OTOF: variants seen among roughly 807,000 people sequenced by gnomAD.
OTOF encodes the protein fer-1-like family member 2.
A neutral mutation model predicts 236.8 loss-of-function variants in OTOF; 218 were observed. The observed-to-expected ratio is 0.92, with a 90% CI of 0.82 to 1.03. OTOF has a LOEUF of 1.03. Among genes scored for constraint, OTOF ranks in the 50% least tolerant of loss-of-function variants. OTOF has a pLI of 0.00. For synonymous variants in OTOF, 1,041 were observed against 1,072.5 expected, an observed-to-expected ratio of 0.97 and a Z score of 0.57; for missense variants, 2,590 against 2,694.4, an observed-to-expected ratio of 0.96 and a Z score of 0.86.
Position 26,509,730 on chromosome 2 carries a change from G to A in OTOF, c.510-5885C>T, listed in dbSNP as rs187532501. Reference sequence around the variant, plus strand: ...CTCTGGGGCTCAGGTTGCTTATCTGGAAGATAAAAAAGACCACACTCCTGG... The same window carrying A: ...CTCTGGGGCTCAGGTTGCTTATCTGAAAGATAAAAAAGACCACACTCCTGG... On this transcript the variant is annotated intron_variant, in intron 5 of 46. Transcript: ENST00000272371. Among the ~76,000 whole-genome samples the A allele has an allele frequency of 1.4e-4, 21 of 152,278 alleles. No individual in the cohort carries two copies. In the East Asian group the frequency reaches 3.7e-3, roughly 27 times the overall value.
intron 5 of OTOF, chr2:26,510,713 G>A (rs972727232): frequency 2.9e-5 from 37 of 1,289,236 alleles, no homozygotes; most frequent in Non-Finnish European, 3.4e-5. Flanking sequence ...ACTTGTGCTC[G>A]TCATCTCTGC....
At chr2:26,499,186 C>T (rs978447792) in intron 8 of OTOF, among the ~76,000 whole-genome samples, 1 of 152,138 alleles carries the variant, frequency 6.6e-6, no homozygotes, top group Non-Finnish European at 1.5e-5. Flanking sequence ...GGAAACTGCA[C>T]ATTCACAGGG....
At chr2:26,487,108 G>A (rs1301130872) in intron 11 of OTOF, among the ~76,000 whole-genome samples, 1 of 152,160 alleles carries the variant, frequency 6.6e-6, no homozygotes, top group Non-Finnish European at 1.5e-5. Context: ...ATGACAAAAT[G>A]TGGTCCTGCC....
chr2:26,540,239 G>T (rs921729159), intron 1 of OTOF, among the ~76,000 whole-genome samples: 1 of 152,278 alleles, frequency 6.6e-6, no homozygotes, highest in Admixed American at 6.5e-5. Flanking sequence ...GCCGAAAGAC[G>T]AATACCTTTA....
At chr2:26,552,117 C>G (rs1171375142) in intron 1 of OTOF, among the ~76,000 whole-genome samples, 1 of 149,236 alleles carries the variant, frequency 6.7e-6, no homozygotes, top group East Asian at 2.0e-4. Context: ...AGGCCAGGCA[C>G]AGTGGCTTAC....
In OTOF at chr2:26,473,070, C is replaced by T. The variant is rs993563963; in HGVS notation, c.3733+62G>A. ...GGTCGCGGCTTGGACTGGGCGGAGA[C>T]CTGGAGCCCTTCCCTGGGGGGCGTG... On this transcript the variant is annotated intron_variant, in intron 29 of 46. Coordinates refer to ENST00000272371, the MANE Select transcript of OTOF (RefSeq NM_194248.3). This position sits in a 1 kb window ranked among gnomAD's most constrained non-coding sequence, Gnocchi z 7.2. 4 of 1,539,178 alleles carry T rather than the reference C, an allele frequency of 2.6e-6. No individual in the cohort carries two copies. The African/African-American group carries it at 4.1e-5, about 16-fold the overall frequency.
chr2:26,484,675 C>T, intron 11 of OTOF, 42 bp from the exon 12 acceptor site: 1 of 1,607,606 alleles, frequency 6.2e-7, no homozygotes, highest in Non-Finnish European at 8.5e-7. Flanking sequence ...ACACCCCCAC[C>T]CAGAGCGTCT....
intron 29 of OTOF, 78 bp from the exon 30 acceptor site, chr2:26,472,727 C>T (rs979104929): frequency 1.2e-5 from 17 of 1,477,766 alleles, no homozygotes; most frequent in African/African-American, 6.9e-5. Context: ...CAGGAAGGTG[C>T]GGAGAACTAA....
At chr2:26,513,700 C>T (rs560380433) in intron 5 of OTOF, among the ~76,000 whole-genome samples, 4 of 152,316 alleles carry the variant, frequency 2.6e-5, no homozygotes, top group African/African-American at 7.2e-5. Context: ...GGGGATTGGC[C>T]TTCCCAGGAG....
chr2:26,541,065 C>T (rs149838916), intron 1 of OTOF, among the ~76,000 whole-genome samples: 2,325 of 152,292 alleles, frequency 0.015, 31 homozygotes, highest in Non-Finnish European at 0.026. Context: ...CTCTGAATAA[C>T]CAAAGGCCTT....
At chr2:26,478,009 T>C (rs926421570) in intron 18 of OTOF, 3 of 1,449,164 alleles carry the variant, frequency 2.1e-6, no homozygotes, top group Non-Finnish European at 2.7e-6. Flanking sequence ...TCTGTGGCTC[T>C]GGTGAGCTCA....
chr2:26,551,489 G>A (rs936229596), intron 1 of OTOF, among the ~76,000 whole-genome samples: 8 of 152,200 alleles, frequency 5.3e-5, no homozygotes, highest in African/African-American at 1.4e-4. Flanking sequence ...CTCACGCACT[G>A]GGGTGGCTTC....
intron 8 of OTOF, among the ~76,000 whole-genome samples, chr2:26,498,156 C>T (rs1445969681): frequency 1.3e-5 from 2 of 152,226 alleles, no homozygotes; most frequent in African/African-American, 4.8e-5. Flanking sequence ...CCCTGTCCCC[C>T]TTTTCAGGCC....
In OTOF at chr2:26,466,735, C is replaced by T; in HGVS notation, c.4479G>A (p.Leu1493=). ...TCACCCGGACCACATAGACTCGGAC[C>T]AGCACATTGATGGGGTCATTGCTCG... ...GIPSNDPINV[L]VRVYVVRATD... is the part of the protein sequence containing the mutation. The change falls in exon 36 of 47, where the codon CTG becomes CTA. Residue 1493 remains leucine (L), a synonymous_variant. Transcript: ENST00000272371. 1 of 1,614,200 alleles carries T rather than the reference C, an allele frequency of 6.2e-7. No individual in the cohort carries two copies. The highest frequency in any genetic ancestry group is 8.5e-7 in the Non-Finnish European group (1 of 1,180,042).
rs1026829833 is a variant in OTOF at position 26,462,902 on chromosome 2, G to A, written c.5192+581C>T. ...TGAATCCAGTCACTGTCTGACAGCT[G>A]GACTTGAACCTGCCGCTTTATGGAT... On this transcript the variant is annotated intron_variant, in intron 41 of 46. Coordinates refer to ENST00000272371, the MANE Select transcript of OTOF (RefSeq NM_194248.3). This position sits in a 1 kb window ranked among gnomAD's most constrained non-coding sequence, Gnocchi z 4.7. Among the ~76,000 whole-genome samples the A allele has an allele frequency of 6.6e-6, 1 of 152,204 alleles. No homozygotes were observed. The highest frequency in any genetic ancestry group is 1.5e-5 in the Non-Finnish European group (1 of 68,032).
chr2:26,536,201 G>A (rs940589578), intron 2 of OTOF, among the ~76,000 whole-genome samples: 3 of 152,198 alleles, frequency 2.0e-5, no homozygotes, highest in African/African-American at 7.2e-5. Context: ...TGTCTCAGTG[G>A]GCAGCCATGA....
intron 1 of OTOF, among the ~76,000 whole-genome samples, chr2:26,538,179 G>A (rs963224143): frequency 2.0e-5 from 3 of 152,230 alleles, no homozygotes; most frequent in African/African-American, 4.8e-5. Flanking sequence ...CAGAAGCCTA[G>A]TATAGGGGGC....
At position 26,494,957 on chromosome 2, in the gene OTOF, G is replaced by T. The variant is rs538368397; in HGVS notation, c.882C>A (p.Cys294Ter). 6.2e-6 allele frequency: 10 copies of T among 1,614,152 alleles called. No homozygotes were observed. Among genetic ancestry groups the T allele is most frequent in the Non-Finnish European group, 8.5e-6 (10 of 1,180,004 alleles). ...KYTSMKESTN[C>*]PYYNEYFVFD... ...GGCCACTGACCTCGTTGTAATAGGG[G>T]CAGTTAGTGGACTCCTTCATGGATG... Residue 294 changes from cysteine (C) to a stop codon, truncating the protein, a stop_gained, in exon 9 of 47, where the codon TGC (cysteine) becomes TGA (stop). Coordinates refer to ENST00000272371, the MANE Select transcript of OTOF (RefSeq NM_194248.3). LOFTEE classifies it high-confidence loss of function.
At chr2:26,546,362 G>A (rs1667332565) in intron 1 of OTOF, among the ~76,000 whole-genome samples, 1 of 152,012 alleles carries the variant, frequency 6.6e-6, no homozygotes. Context: ...TCGGGAGGCT[G>A]AGAAAGGAGA....
Sources: allele counts gnomAD v4.1 joint callset (sites outside exome capture counted in the v4.1 genomes callset), GRCh38; gene constraint gnomAD v4.1.1; non-coding constraint Gnocchi (gnomAD v3.1); transcripts MANE v1.5; gene names NCBI Gene and HGNC (gene_info 2026-07-23, HGNC 2026-07-21).